MFSD11: variants seen among roughly 807,000 people sequenced by gnomAD.
The protein encoded by MFSD11 is major facilitator superfamily domain containing 11.
A neutral mutation model predicts 53.5 loss-of-function variants in MFSD11; 36 were observed. The ratio of observed to expected loss-of-function variants is 0.67; its 90% confidence interval spans 0.52 to 0.89. MFSD11 has a LOEUF of 0.89. Ranked by LOEUF, MFSD11 falls within the 40% of genes least tolerant of loss-of-function variation. The pLI is 0.00. For missense variants in MFSD11, 530 were observed against 543.9 expected, an observed-to-expected ratio of 0.97 and a Z score of 0.25; for synonymous variants, 186 against 184.9, an observed-to-expected ratio of 1.01 and a Z score of -0.05.
chr17:76,761,993 A>T (rs2080302368), intron 8 of MFSD11, among the ~76,000 whole-genome samples: 1 of 152,040 alleles, frequency 6.6e-6, no homozygotes, highest in Admixed American at 6.6e-5. Context: ...TTGCAAAGTC[A>T]GTACAATTTA....
downstream of MFSD11, among the ~76,000 whole-genome samples, chr17:76,786,104 C>A (rs978648453): frequency 6.7e-5 from 10 of 148,894 alleles, no homozygotes; most frequent in Admixed American, 1.3e-4. Context: ...AGAGGTGTTC[C>A]TTGAGTACCT....
At chr17:76,737,047 C>A (rs763988734), upstream of MFSD11, 1 of 1,613,368 alleles carries the variant, frequency 6.2e-7, no homozygotes, top group Non-Finnish European at 8.5e-7. Context: ...CGCCGACGCG[C>A]CCGTACTTCT....
At chr17:76,799,138 C>CA in the MFSD11 span, 2 of 151,560 alleles carry the variant, frequency 1.3e-5, no homozygotes, top group East Asian at 1.9e-4. Context: ...ACTCTTGAGA[C>CA]AAAATCTCAC....
At chr17:76,749,292 G>A (rs181125002) in intron 7 of MFSD11, among the ~76,000 whole-genome samples, 1 of 152,110 alleles carries the variant, frequency 6.6e-6, no homozygotes, top group East Asian at 1.9e-4. Flanking sequence ...GGGAGGCCGA[G>A]ACAGGCGGAT....
the MFSD11 span, among the ~76,000 whole-genome samples, chr17:76,791,313 C>A: frequency 1.3e-5 from 2 of 149,316 alleles, no homozygotes; most frequent in Admixed American, 1.3e-4. Flanking sequence ...CGTTTCAATT[C>A]ACAGGTCCTC....
intron 7 of MFSD11, among the ~76,000 whole-genome samples, chr17:76,750,313 GA>G (rs1386085441): frequency 2.6e-5 from 4 of 151,310 alleles, no homozygotes; most frequent in African/African-American, 9.7e-5. Context: ...TTATGATGAG[GA>G]AAAAAGTTTT....
At chr17:76,801,735 G>A in the MFSD11 span, among the ~76,000 whole-genome samples, 2 of 151,456 alleles carry the variant, frequency 1.3e-5, no homozygotes, top group African/African-American at 2.4e-5. Flanking sequence ...CTGAACCACC[G>A]TGCCTGGCCC....
rs1249481174 is a variant in MFSD11, at chr17:76,768,842, G to A, written c.749-904G>A. ...TCTACTAAAAATACATAAATTACCCGGGTGTGGTGGTGCATGCCTGTAATC... is the reference window on the plus strand; with the variant it reads ...TCTACTAAAAATACATAAATTACCCAGGTGTGGTGGTGCATGCCTGTAATC... On this transcript the variant is annotated intron_variant, in intron 9 of 12. Transcript: ENST00000685175. Among the ~76,000 whole-genome samples, 35 of 152,076 alleles carry A rather than the reference G, an allele frequency of 2.3e-4. 1 individual carries two copies. The highest frequency in any genetic ancestry group is 2.1e-3 in the Admixed American group (32 of 15,268).
intron 7 of MFSD11, among the ~76,000 whole-genome samples, chr17:76,747,251 C>T (rs1164960783): frequency 1.3e-5 from 2 of 151,998 alleles, no homozygotes; most frequent in African/African-American, 2.4e-5. Context: ...CAGTGGCTCA[C>T]GCCTGTAATC....
At chr17:76,750,156 T>C (rs548154324) in intron 7 of MFSD11, among the ~76,000 whole-genome samples, 5 of 152,206 alleles carry the variant, frequency 3.3e-5, no homozygotes, top group Admixed American at 6.5e-5. Flanking sequence ...TATTGTATTT[T>C]AGTCGTCTGT....
intron 10 of MFSD11, among the ~76,000 whole-genome samples, chr17:76,771,782 G>A (rs990076311): frequency 6.6e-6 from 1 of 152,182 alleles, no homozygotes; most frequent in African/African-American, 2.4e-5. Flanking sequence ...TGATGACCAG[G>A]TTGATCAGAG....
At chr17:76,749,478 A>C (rs557926932) in intron 7 of MFSD11, among the ~76,000 whole-genome samples, 3 of 152,084 alleles carry the variant, frequency 2.0e-5, no homozygotes, top group East Asian at 3.9e-4. Context: ...GCAGTGAGCC[A>C]AGATAATCAC....
downstream of MFSD11, among the ~76,000 whole-genome samples, chr17:76,785,362 G>C (rs2082261280): frequency 6.6e-6 from 1 of 152,022 alleles, no homozygotes; most frequent in African/African-American, 2.4e-5. Context: ...TTTGAGGCAG[G>C]GTCTTGCTCT....
At chr17:76,768,495 G>A (rs2081076754) in intron 9 of MFSD11, among the ~76,000 whole-genome samples, 1 of 152,054 alleles carries the variant, frequency 6.6e-6, no homozygotes, top group South Asian at 2.1e-4. Flanking sequence ...AGGTGAAATA[G>A]AATAAACATT....
chr17:76,794,700 T>TGAGATGGAGAGTGTCACTCTGTCACTTTG, the MFSD11 span, among the ~76,000 whole-genome samples: 2 of 2,676 alleles, frequency 7.5e-4, no homozygotes, highest in Admixed American at 5.6e-3. Flanking sequence ...TTTTTTTTTT[T>TGAGATGGAGAGTGTCACTCTGTCACTTTG]TTTTTGTTTT....
Position 76,744,447 on chromosome 17 carries a change from C to T in MFSD11, c.622C>T (p.Gln208Ter). 1 of 1,611,682 alleles carries T rather than the reference C, an allele frequency of 6.2e-7. No homozygotes were observed. Among genetic ancestry groups the T allele is most frequent in the Non-Finnish European group, 8.5e-7 (1 of 1,179,324 alleles). ...AGGAGAAGATGAGTCTTCTGATGAC[C>T]AGGACATGGAAGTCAACGAGTAAGA... ...VLGEDESSDDQDMEVNESAQN... is the reference protein window; with the variant it reads ...VLGEDESSDD The change falls in exon 7 of 13, where the codon CAG becomes TAG. Residue 208 changes from glutamine to a stop codon, truncating the protein, a stop_gained. Transcript: ENST00000685175. LOFTEE classifies it high-confidence loss of function.
intron 8 of MFSD11, 60 bp from the exon 9 acceptor site, chr17:76,767,326 A>G (rs2080939405): frequency 1.9e-6 from 2 of 1,040,576 alleles, no homozygotes; most frequent in Admixed American, 3.7e-5. Flanking sequence ...AGGAAGTTTT[A>G]GAATGTTTGT....
downstream of MFSD11, chr17:76,781,540 T>C (rs2082164087): frequency 6.6e-6 from 1 of 152,168 alleles, no homozygotes; most frequent in African/African-American, 2.4e-5. Flanking sequence ...GACAACTGGG[T>C]CCTGTATTCC....
Position 76,742,289 on chromosome 17 carries a change from A to G in MFSD11, c.437+16A>G. 1 of 1,596,072 alleles carries G rather than the reference A, an allele frequency of 6.3e-7. No individual in the cohort carries two copies. The highest frequency in any genetic ancestry group is 8.6e-7 in the Non-Finnish European group (1 of 1,165,770). The stretch of plus-strand genomic sequence containing the variant: ...TGCAGTCTAGGTAATTATCCTTTTG[A>G]GGTTCAGTCTTTCCTTTTCTTTCTT... On this transcript the variant is annotated intron_variant, in intron 5 of 12. Transcript: ENST00000685175.
Sources: allele counts gnomAD v4.1 joint callset (sites outside exome capture counted in the v4.1 genomes callset), GRCh38; gene constraint gnomAD v4.1.1; transcripts MANE v1.5; gene names NCBI Gene and HGNC (gene_info 2026-07-23, HGNC 2026-07-21).